Variants in CHD7 observed in about 807,000 individuals in gnomAD.
CHD7 encodes ATP-dependent chromatin remodeler CHD7.
A neutral mutation model predicts 307.3 loss-of-function variants in CHD7; 24 were observed. The ratio of observed to expected loss-of-function variants is 0.08; its 90% CI spans 0.06 to 0.11. The LOEUF (loss-of-function observed/expected upper bound fraction) is 0.11. CHD7 is among the 10% of genes least tolerant of loss of function. The pLI is 1.00. For missense variants in CHD7, 3,106 were observed against 3,727.1 expected, an observed-to-expected ratio of 0.83 and a Z score of 4.34; for synonymous variants, 1,363 against 1,349.9, an observed-to-expected ratio of 1.01 and a Z score of -0.21.
chr8:60,784,292 C>G (rs1811391412), intron 3 of CHD7, among the ~76,000 whole-genome samples: 1 of 152,124 alleles, frequency 6.6e-6, no homozygotes, highest in South Asian at 2.1e-4. Context: ...TATTTCCATC[C>G]TTGAATAAGT....
At chr8:60,680,396 C>A (rs1586150935) in intron 1 of CHD7, among the ~76,000 whole-genome samples, 1 of 7,708 alleles carries the variant, frequency 1.3e-4, no homozygotes, top group Non-Finnish European at 2.0e-4. Context: ...CTGTCGAGGT[C>A]GCGGGGGGGG....
Position 60,836,151 on chromosome 8 carries a change from T to C in CHD7, c.3857T>C (p.Ile1286Thr). Residue 1286 changes from isoleucine to threonine, a missense_variant, in exon 16 of 38, where the codon ATC (isoleucine) becomes ACC (threonine). By Grantham distance (89) the Ile-to-Thr change is moderately conservative. Transcript: ENST00000423902. ...ESPDFQLQAM[I>T]QAAGKLVLID... Reference sequence around the variant, plus strand: ...CCAGATTTTCAGCTCCAGGCAATGATCCAGGCTGCTGGCAAGCTAGTGCTG... The same window carrying C: ...CCAGATTTTCAGCTCCAGGCAATGACCCAGGCTGCTGGCAAGCTAGTGCTG... The C allele has an allele frequency of 6.2e-7, 1 of 1,613,768 alleles. No individual in the cohort carries two copies.
At chr8:60,857,146 C>G (rs1805755010) in intron 34 of CHD7, among the ~76,000 whole-genome samples, 2 of 152,242 alleles carry the variant, frequency 1.3e-5, no homozygotes, top group African/African-American at 4.8e-5. Context: ...ACAGCCAAAC[C>G]TAGAAACATG....
At chr8:60,772,200 A>G (rs1311242663) in intron 2 of CHD7, among the ~76,000 whole-genome samples, 1 of 152,192 alleles carries the variant, frequency 6.6e-6, no homozygotes, top group African/African-American at 2.4e-5. Context: ...GTGTAAATTA[A>G]CTTTATCACT....
At chr8:60,786,595 C>T (rs751150683) in intron 3 of CHD7, among the ~76,000 whole-genome samples, 3 of 152,150 alleles carry the variant, frequency 2.0e-5, no homozygotes, top group Admixed American at 6.5e-5. Flanking sequence ...GTAAGGAGGC[C>T]GTGAGCCGCA....
chr8:60,681,198 GTTATAA>G (rs1309352509), intron 1 of CHD7, among the ~76,000 whole-genome samples: 3 of 152,138 alleles, frequency 2.0e-5, no homozygotes, highest in African/African-American at 4.8e-5. Flanking sequence ...ATTTATCCCA[GTTATAA>G]TTATATTTAG....
chr8:60,724,344 T>C (rs887505147), intron 1 of CHD7, among the ~76,000 whole-genome samples: 17 of 152,230 alleles, frequency 1.1e-4, no homozygotes, highest in African/African-American at 2.7e-4. Context: ...ATACCCTGTA[T>C]GTTTGAGGTT....
At chr8:60,731,575 TAA>T (rs1221476733) in intron 1 of CHD7, among the ~76,000 whole-genome samples, 2 of 152,226 alleles carry the variant, frequency 1.3e-5, no homozygotes, top group Non-Finnish European at 2.9e-5. Flanking sequence ...AAATTTGTTA[TAA>T]GTTGAAATGA....
At chr8:60,794,446 C>T (rs1396894767) in intron 3 of CHD7, among the ~76,000 whole-genome samples, 2 of 152,066 alleles carry the variant, frequency 1.3e-5, no homozygotes, top group African/African-American at 2.4e-5. Context: ...AACACAGTAC[C>T]TACTAAAATT....
chr8:60,820,117 AGTGG>A, intron 9 of CHD7, 27 bp downstream of exon 9: 1 of 1,511,708 alleles, frequency 6.6e-7, no homozygotes, highest in Non-Finnish European at 9.1e-7. Context: ...TGTATTACAA[AGTGG>A]TGATTCAGGC....
chr8:60,757,291 T>C (rs749361293), intron 2 of CHD7, among the ~76,000 whole-genome samples: 9 of 152,252 alleles, frequency 5.9e-5, no homozygotes, highest in Admixed American at 2.0e-4. Context: ...TAAATTTTAA[T>C]TTTAACCAAC....
intron 9 of CHD7, among the ~76,000 whole-genome samples, chr8:60,820,928 C>A (rs1317102406): frequency 6.6e-6 from 1 of 152,156 alleles, no homozygotes; most frequent in Non-Finnish European, 1.5e-5. Flanking sequence ...TTTTTCACAT[C>A]ACAACTAGGT....
chr8:60,845,388 A>G lies in CHD7; in HGVS notation c.5189A>G (p.His1730Arg). 6.2e-7 allele frequency: 1 copy of G among 1,613,884 alleles called. No individual in the cohort carries two copies. Among genetic ancestry groups the G allele is most frequent in the Non-Finnish European group, 8.5e-7 (1 of 1,179,852 alleles). Reference sequence around the variant, plus strand: ...TTCCAGGAGGACAGCTACAAGAAACACCTGAAGCATCACTGTAACAAGTAT... The same window carrying G: ...TTCCAGGAGGACAGCTACAAGAAACGCCTGAAGCATCACTGTAACAAGTAT... ...ALFQEDSYKKHLKHHCNKVLL... is the reference protein window; with the variant it reads ...ALFQEDSYKKRLKHHCNKVLL... Residue 1730 changes from histidine to arginine, a missense_variant, in exon 23 of 38, where the codon CAC (histidine) becomes CGC (arginine). Around this residue, in one of 10 missense-constraint regions of CHD7, gnomAD observed 1,030 missense variants for 1,165.4 expected, o/e 0.88. Coordinates refer to ENST00000423902, the MANE Select transcript of CHD7 (RefSeq NM_017780.4).
intron 1 of CHD7, among the ~76,000 whole-genome samples, chr8:60,716,435 A>T (rs1807603888): frequency 6.6e-6 from 1 of 152,174 alleles, no homozygotes; most frequent in African/African-American, 2.4e-5. Context: ...GCTGTCCTTT[A>T]GATGCTCAGG....
chr8:60,743,104 G>T lies in CHD7; in HGVS notation c.1665+7G>T. 1 of 1,608,450 alleles carries T rather than the reference G, an allele frequency of 6.2e-7. No homozygotes were observed. The highest frequency in any genetic ancestry group is 8.5e-7 in the Non-Finnish European group (1 of 1,176,112). On this transcript the variant is annotated splice_region_variant and intron_variant, in intron 2 of 37. Transcript: ENST00000423902. Reference sequence around the variant, plus strand: ...GAAAGTGCCTGTGCATCAGGTAAGGGGACACAGAGCCTACCTCTGCATTGC... The same window carrying T: ...GAAAGTGCCTGTGCATCAGGTAAGGTGACACAGAGCCTACCTCTGCATTGC...
chr8:60,791,670 A>G lies in CHD7; in HGVS notation c.2097-3316A>G, dbSNP rs148675060. On this transcript the variant is annotated intron_variant, in intron 3 of 37. Coordinates refer to ENST00000423902, the MANE Select transcript of CHD7 (RefSeq NM_017780.4). ...CCTTTCTCCACCGGTCTGATGTTGT[A>G]TAGCCCTGCATGTGGGGTGTGAGGG... Among the ~76,000 whole-genome samples, 726 of 152,328 alleles carry G rather than the reference A, an allele frequency of 4.8e-3. 3 individuals are homozygous for G. Among genetic ancestry groups the G allele is most frequent in the Non-Finnish European group, 7.2e-3 (489 of 68,022 alleles).
At chr8:60,835,181 A>G (rs1489833601) in intron 15 of CHD7, among the ~76,000 whole-genome samples, 1 of 152,182 alleles carries the variant, frequency 6.6e-6, no homozygotes, top group Non-Finnish European at 1.5e-5. Flanking sequence ...TAGTTAAGCC[A>G]CCTAAGCAGT....
chr8:60,710,257 A>G (rs1488332620), intron 1 of CHD7, among the ~76,000 whole-genome samples: 2 of 143,256 alleles, frequency 1.4e-5, no homozygotes, highest in Admixed American at 7.1e-5. Flanking sequence ...TTTTGGTCAT[A>G]CTCATGGTGA....
chr8:60,806,316 T>C (rs1242721840), intron 6 of CHD7, among the ~76,000 whole-genome samples: 2 of 152,000 alleles, frequency 1.3e-5, no homozygotes, highest in Non-Finnish European at 2.9e-5. Flanking sequence ...TGAGCCGAGA[T>C]TGCGCCACTG....
Sources: gnomAD v4.1 joint callset for allele counts (sites outside exome capture counted in the v4.1 genomes callset) on GRCh38, gnomAD v4.1.1 for gene constraint, gnomAD v4.1.1 regional missense constraint, MANE v1.5 for transcripts, NCBI Gene and HGNC (gene_info 2026-07-23, HGNC 2026-07-21) for gene names.